The following UBE2D3 variants were observed in gnomAD, a reference collection of about 807,000 sequenced individuals.
UBE2D3 encodes ubiquitin-conjugating enzyme E2 D3.
Under a neutral mutation model 22.8 loss-of-function variants are expected in UBE2D3, and 2 were observed. The observed-to-expected ratio is 0.09, with a 90% CI of 0.04 to 0.28. The LOEUF (loss-of-function observed/expected upper bound fraction) is 0.28. UBE2D3 is among the 10% of genes least tolerant of loss of function. UBE2D3 has a pLI of 1.00. For missense variants in UBE2D3, 27 were observed against 182.5 expected, an observed-to-expected ratio of 0.15 and a Z score of 4.91; for synonymous variants, 56 against 60.4, an observed-to-expected ratio of 0.93 and a Z score of 0.34.
upstream of UBE2D3, among the ~76,000 whole-genome samples, chr4:102,830,604 C>T (rs1024088361): frequency 6.6e-6 from 1 of 152,212 alleles, no homozygotes; most frequent in Non-Finnish European, 1.5e-5. Context: ...TGGCTTACGC[C>T]TGTAATCCCA....
chr4:102,825,424 A>G, intron 2 of UBE2D3: 1 of 1,099,800 alleles, frequency 9.1e-7, no homozygotes, highest in Non-Finnish European at 1.1e-6. Context: ...AGGATCTTAG[A>G]GCAGTGCACA....
intron 2 of UBE2D3, chr4:102,825,540 T>C (rs1730317683): frequency 8.5e-7 from 1 of 1,175,664 alleles, no homozygotes; most frequent in Non-Finnish European, 1.1e-6. Context: ...CATCTTAAAA[T>C]GCGGGATAGA....
Position 102,797,155 on chromosome 4 carries a change from T to C in UBE2D3, c.*260A>G, listed in dbSNP as rs1725351168. ...CCACATAATACACATGCTCCATTTT[T>C]TTTTTTAAAAATTCTGAGTCTTGGG... On this transcript the variant is annotated 3_prime_UTR_variant, in exon 8 of 8. Coordinates refer to ENST00000453744, the MANE Select transcript of UBE2D3 (RefSeq NM_181891.3). 1 of 337,648 alleles carries C rather than the reference T, an allele frequency of 3.0e-6. No individual in the cohort carries two copies. Among genetic ancestry groups the C allele is most frequent in the Non-Finnish European group, 5.4e-6 (1 of 183,746 alleles). The allele number at this position is 337,648 out of a possible 1,614,324, so 20.9% of individuals were successfully genotyped here.
intron 1 of UBE2D3, among the ~76,000 whole-genome samples, chr4:102,863,871 G>A (rs1401600904): frequency 6.6e-6 from 1 of 152,032 alleles, no homozygotes; most frequent in African/African-American, 2.4e-5. Flanking sequence ...ATCTGCATGG[G>A]GTTCCTTAAG....
chr4:102,802,680 A>G, intron 4 of UBE2D3, 42 bp from the exon 5 acceptor site: 1 of 1,441,480 alleles, frequency 6.9e-7, no homozygotes, highest in East Asian at 2.3e-5. Flanking sequence ...TTAAAATATT[A>G]TTGCTAAATA....
rs944751215 is a variant in UBE2D3 at position 102,795,293 on chromosome 4, C to T, written c.*2122G>A. 5.3e-5 allele frequency: 8 copies of T among 151,974 alleles called. No individual in the cohort carries two copies. Among genetic ancestry groups the T allele is most frequent in the Non-Finnish European group, 8.8e-5 (6 of 67,918 alleles). 9.4% of individuals were successfully genotyped at this position (151,974 alleles called of 1,614,324 possible). A position where few individuals can be genotyped will look rare whatever the true frequency, so the allele number is the denominator to read the frequency against. On this transcript the variant is annotated 3_prime_UTR_variant, in exon 8 of 8. Coordinates refer to ENST00000453744, the MANE Select transcript of UBE2D3 (RefSeq NM_181891.3). ...ATTTGAAAGCCAGTTAGGGATCCAC[C>T]GTGTTTCATAAAAGTGTCTTACACT...
intron 1 of UBE2D3, among the ~76,000 whole-genome samples, chr4:102,839,517 C>A (rs899264121): frequency 6.6e-6 from 1 of 152,194 alleles, no homozygotes; most frequent in Non-Finnish European, 1.5e-5. Context: ...AAGCAACCTG[C>A]CCGCCTCGGC....
At chr4:102,835,746 A>G (rs923218787) in intron 1 of UBE2D3, among the ~76,000 whole-genome samples, 13 of 149,846 alleles carry the variant, frequency 8.7e-5, no homozygotes, top group African/African-American at 2.5e-4. Context: ...AATAAATTAT[A>G]CATACCTAAA....
At chr4:102,845,622 C>T (rs942897394) in intron 1 of UBE2D3, among the ~76,000 whole-genome samples, 15 of 152,140 alleles carry the variant, frequency 9.9e-5, no homozygotes, top group African/African-American at 3.6e-4. Context: ...ATTTTTCCAC[C>T]TATATATGTC....
chr4:102,842,413 G>T lies in UBE2D3; in HGVS notation c.-128-15777C>A, dbSNP rs1361986233. On this transcript the variant is annotated intron_variant, in intron 1 of 7. Coordinates refer to the UBE2D3 transcript ENST00000338145. Reference sequence around the variant, plus strand: ...CAAAACAAAAAACAAACAAACGCTGGGCATGGTGGTGCATGCCTGTAATCT... The same window carrying T: ...CAAAACAAAAAACAAACAAACGCTGTGCATGGTGGTGCATGCCTGTAATCT... Among the ~76,000 whole-genome samples the T allele has an allele frequency of 3.5e-4, 53 of 151,972 alleles. 1 individual carries two copies.
chr4:102,801,592 A>C, intron 5 of UBE2D3, 33 bp from the exon 6 acceptor site: 2 of 1,504,570 alleles, frequency 1.3e-6, no homozygotes, highest in Non-Finnish European at 9.1e-7. Context: ...TTTTATTCAA[A>C]TAAAAACAAA....
chr4:102,827,863 C>T, upstream of UBE2D3: 3 of 985,682 alleles, frequency 3.0e-6, no homozygotes, highest in African/African-American at 1.7e-5. Flanking sequence ...CGGAAGGAGA[C>T]CATGGGAGGA....
intron 2 of UBE2D3, among the ~76,000 whole-genome samples, chr4:102,824,586 G>T (rs990123372): frequency 3.9e-5 from 6 of 152,188 alleles, no homozygotes; most frequent in Non-Finnish European, 5.9e-5. Flanking sequence ...CTGCTCCAAT[G>T]TTTACACTCT....
chr4:102,804,929 C>A (rs960268399), intron 4 of UBE2D3, among the ~76,000 whole-genome samples: 1 of 152,178 alleles, frequency 6.6e-6, no homozygotes, highest in Non-Finnish European at 1.5e-5. Flanking sequence ...CAGTGATCCA[C>A]CCACCTTGGC....
chr4:102,843,025 G>A (rs1048547202), intron 1 of UBE2D3, among the ~76,000 whole-genome samples: 2 of 152,128 alleles, frequency 1.3e-5, no homozygotes, highest in African/African-American at 2.4e-5. Context: ...CAGGAGAATC[G>A]CTTGAACCTG....
At chr4:102,826,992 G>C in intron 1 of UBE2D3, 1 of 997,522 alleles carries the variant, frequency 1.0e-6, no homozygotes, top group Non-Finnish European at 1.2e-6. Context: ...CAAGGGGGGA[G>C]GGGGAAGCAT....
intron 1 of UBE2D3, among the ~76,000 whole-genome samples, chr4:102,858,549 G>C (rs1001229014): frequency 6.6e-6 from 1 of 151,718 alleles, no homozygotes; most frequent in Admixed American, 6.6e-5. Context: ...AACGACACAA[G>C]GTGTCGTTTA....
chr4:102,809,955 G>A (rs764501532), intron 2 of UBE2D3, 100 bp from the exon 3 acceptor site: 41 of 1,135,478 alleles, frequency 3.6e-5, no homozygotes, highest in Non-Finnish European at 5.4e-5. Context: ...ATTTTTAAAG[G>A]CACACTCCAT....
intron 4 of UBE2D3, 93 bp from the exon 5 acceptor site, chr4:102,802,731 C>A (rs1279719455): frequency 2.2e-6 from 2 of 918,972 alleles, no homozygotes; most frequent in Non-Finnish European, 3.2e-6. Flanking sequence ...TAATAATGAA[C>A]CCAAATCACC....
Sources: gnomAD v4.1 joint callset for allele counts (sites outside exome capture counted in the v4.1 genomes callset) on GRCh38, gnomAD v4.1.1 for gene constraint, MANE v1.5 for transcripts, NCBI Gene and HGNC (gene_info 2026-07-23, HGNC 2026-07-21) for gene names.